The following UST variants were observed in gnomAD, a reference collection of about 807,000 sequenced individuals.
UST encodes the protein chondroitin sulfate 2-O-sulfotransferase.
UST carries 21 observed loss-of-function variants against 45.6 expected under a neutral mutation model. The observed-to-expected ratio is 0.46, with a 90% CI of 0.33 to 0.66. The LOEUF is 0.66. UST is among the 30% of genes least tolerant of loss of function. The pLI, the probability that UST is intolerant of heterozygous loss-of-function variation, is 0.02. For synonymous variants in UST, 215 were observed against 200.6 expected (o/e 1.07, Z -0.61); for missense variants, 463 against 512.4 (o/e 0.90, Z 0.93).
intron 2 of UST, among the ~76,000 whole-genome samples, chr6:148,887,615 T>C (rs1778937180): frequency 6.6e-6 from 1 of 152,248 alleles, no homozygotes; most frequent in South Asian, 2.1e-4. Context: ...AATGCTAATC[T>C]ACTGAAAAGT....
intron 1 of UST, among the ~76,000 whole-genome samples, chr6:148,812,961 T>G (rs184029385): frequency 3.3e-5 from 5 of 152,298 alleles, no homozygotes; most frequent in Non-Finnish European, 7.3e-5. Context: ...GCATTTACTT[T>G]TAGCATATCC....
rs777045855 is a variant in UST, at chr6:149,074,060, A to G, written c.1165A>G (p.Ile389Val). ...IPTPLETEEP[I>V]DDEEQDDEKW... ...AACTCCACTGGAAACCGAGGAGCCA[A>G]TCGACGATGAAGAACAGGATGATGA... The change falls in exon 8 of 8, where the codon ATC becomes GTC. Residue 389 changes from isoleucine to valine, a missense_variant. Transcript: ENST00000367463. 4 of 1,614,192 alleles carry G rather than the reference A, an allele frequency of 2.5e-6. No homozygotes were observed. In the South Asian group the frequency reaches 4.4e-5, roughly 18 times the overall value.
intron 2 of UST, among the ~76,000 whole-genome samples, chr6:148,929,518 T>C (rs1582904628): frequency 6.6e-6 from 1 of 152,182 alleles, no homozygotes; most frequent in East Asian, 1.9e-4. Context: ...TAAGAAAAGC[T>C]AGTCTGAGGA....
At chr6:148,837,196 C>A (rs976870910) in intron 1 of UST, among the ~76,000 whole-genome samples, 3 of 152,006 alleles carry the variant, frequency 2.0e-5, no homozygotes, top group African/African-American at 7.3e-5. Context: ...AATTTTGGAC[C>A]ATTGAAGACA....
chr6:148,996,031 G>T (rs1037855513), intron 5 of UST, among the ~76,000 whole-genome samples: 2 of 152,232 alleles, frequency 1.3e-5, no homozygotes, highest in African/African-American at 4.8e-5. Flanking sequence ...CCCAGCAGAT[G>T]TTGGGAACCC....
intron 2 of UST, among the ~76,000 whole-genome samples, chr6:148,908,673 T>C (rs966796288): frequency 3.9e-5 from 6 of 152,232 alleles, no homozygotes; most frequent in Non-Finnish European, 5.9e-5. Flanking sequence ...TTTAACTCTG[T>C]GAACATGAGT....
chr6:149,015,532 G>A (rs1775885039), intron 5 of UST, among the ~76,000 whole-genome samples: 1 of 152,220 alleles, frequency 6.6e-6, no homozygotes, highest in Admixed American at 6.5e-5. Flanking sequence ...GCAAGTCGTA[G>A]ATCAGGTGCT....
chr6:149,009,459 G>A (rs1326002871), intron 5 of UST, among the ~76,000 whole-genome samples: 2 of 151,874 alleles, frequency 1.3e-5, no homozygotes, highest in Admixed American at 1.3e-4. Flanking sequence ...AAAAGGGCCT[G>A]CTAAGTGTTC....
intron 5 of UST, among the ~76,000 whole-genome samples, chr6:148,996,369 C>T (rs1398144403): frequency 2.6e-5 from 4 of 152,138 alleles, no homozygotes; most frequent in Non-Finnish European, 5.9e-5. Flanking sequence ...CAGGCACTTG[C>T]CACCATGCCC....
intron 1 of UST, among the ~76,000 whole-genome samples, chr6:148,779,016 G>A (rs925882677): frequency 6.6e-6 from 1 of 152,174 alleles, no homozygotes; most frequent in Non-Finnish European, 1.5e-5. Flanking sequence ...CTGGGCTGCA[G>A]CCATAGCTGT....
chr6:149,060,914 C>T (rs1258125556), intron 7 of UST, among the ~76,000 whole-genome samples: 2 of 152,122 alleles, frequency 1.3e-5, no homozygotes, highest in East Asian at 3.9e-4. Context: ...AACTTTGGCC[C>T]CTCTTTTGGT....
In UST at chr6:148,748,445, GT is replaced by G. The variant is rs1775922523; in HGVS notation, c.247+769del. ...TGTGTGTGTGTGTGTGTGTGTGTGT[GT>G]GTGTGTGGTTTATTAGGAGAGAGGC... On this transcript the variant is annotated intron_variant, in intron 1 of 7. Transcript: ENST00000367463. The surrounding 1 kb of genome is among the most constrained non-coding windows in gnomAD (Gnocchi z 5.3). 1.4e-5 allele frequency among the ~76,000 whole-genome samples: 2 copies of G among 141,316 alleles called. No individual in the cohort carries two copies. Among genetic ancestry groups the G allele is most frequent in the Non-Finnish European group, 3.2e-5 (2 of 63,392 alleles). 92.7% of individuals were successfully genotyped at this position (141,316 alleles called of 152,430 possible).
At chr6:149,003,162 A>C (rs535060619) in intron 5 of UST, among the ~76,000 whole-genome samples, 2 of 152,226 alleles carry the variant, frequency 1.3e-5, no homozygotes, top group African/African-American at 4.8e-5. Context: ...TGATAGAACT[A>C]TGGCCAATGG....
chr6:148,809,249 G>A (rs184244413), intron 1 of UST, among the ~76,000 whole-genome samples: 55 of 152,264 alleles, frequency 3.6e-4, no homozygotes, highest in Middle Eastern at 6.8e-3. Flanking sequence ...CAGACTTCTC[G>A]TGTTTGGGGA....
At chr6:148,845,258 C>G (rs547474729) in intron 1 of UST, among the ~76,000 whole-genome samples, 2 of 152,304 alleles carry the variant, frequency 1.3e-5, no homozygotes, top group South Asian at 4.1e-4. Context: ...ACATTCCCAC[C>G]AACAGTGTAT....
chr6:149,018,230 C>T (rs190608122), intron 5 of UST, among the ~76,000 whole-genome samples: 2 of 152,142 alleles, frequency 1.3e-5, no homozygotes, highest in South Asian at 2.1e-4. Flanking sequence ...AACACCCACA[C>T]CTAAACACCT....
intron 5 of UST, among the ~76,000 whole-genome samples, chr6:148,974,779 T>C (rs1406126043): frequency 6.6e-6 from 1 of 152,244 alleles, no homozygotes; most frequent in Non-Finnish European, 1.5e-5. Context: ...AAAAAATGGC[T>C]CTGCATTTCA....
intron 2 of UST, among the ~76,000 whole-genome samples, chr6:148,892,746 T>G (rs1779044232): frequency 6.6e-6 from 1 of 152,202 alleles, no homozygotes; most frequent in South Asian, 2.1e-4. Context: ...TGTTCTTATA[T>G]TTTTCTATTA....
chr6:148,858,496 CT>C (rs143151771), intron 1 of UST, among the ~76,000 whole-genome samples: 108 of 146,320 alleles, frequency 7.4e-4, no homozygotes, highest in Admixed American at 7.5e-4. Flanking sequence ...TTGCATCTTT[CT>C]TTTTTTTTTT....
Sources: gnomAD v4.1 joint callset for allele counts (sites outside exome capture counted in the v4.1 genomes callset) on GRCh38, gnomAD v4.1.1 for gene constraint, Gnocchi (gnomAD v3.1) non-coding constraint, MANE v1.5 for transcripts, NCBI Gene and HGNC (gene_info 2026-07-23, HGNC 2026-07-21) for gene names.